The following CD5 variants were observed in gnomAD, a reference collection of about 807,000 sequenced individuals.
CD5 encodes the protein T-cell surface glycoprotein CD5.
Under a neutral mutation model 60.3 loss-of-function variants are expected in CD5, and 36 were observed. That is an observed-to-expected ratio of 0.60 (90% CI 0.46 to 0.79). The LOEUF (loss-of-function observed/expected upper bound fraction) is 0.79, where lower values mean the gene tolerates loss of function less well. Among genes scored for constraint, CD5 ranks in the 30% least tolerant of loss-of-function variants. The pLI is 0.00. For missense variants in CD5, 540 were observed against 630.6 expected, an observed-to-expected ratio of 0.86 and a Z score of 1.54; for synonymous variants, 230 against 257.6, an observed-to-expected ratio of 0.89 and a Z score of 1.03.
At chr11:61,124,933 A>C in intron 8 of CD5, 99 bp from the exon 9 acceptor site, 2 of 1,464,062 alleles carry the variant, frequency 1.4e-6, no homozygotes, top group Non-Finnish European at 1.9e-6. Flanking sequence ...CTCCCCGCTA[A>C]CATCATGGGA....
intron 1 of CD5, among the ~76,000 whole-genome samples, chr11:61,109,605 G>C (rs1161929948): frequency 6.6e-6 from 1 of 152,114 alleles, no homozygotes; most frequent in East Asian, 1.9e-4. Flanking sequence ...GAGCCAAAGT[G>C]AGAATTATCC....
chr11:61,121,057 T>C (rs1013549315), intron 5 of CD5, among the ~76,000 whole-genome samples: 12 of 152,202 alleles, frequency 7.9e-5, no homozygotes, highest in Non-Finnish European at 1.5e-5. Context: ...TGTGCCTCTG[T>C]TGAGCCAGGC....
In CD5 at chr11:61,121,919, GC is replaced by G. The variant is rs760950640; in HGVS notation, c.1099+18del. 4 of 1,515,142 alleles carry G rather than the reference GC, an allele frequency of 2.6e-6. No individual in the cohort carries two copies. The South Asian group carries it at 5.2e-5, about 20-fold the overall frequency. The allele number at this position is 1,515,142 out of a possible 1,614,324, so 93.9% of individuals were successfully genotyped here. A position where few individuals can be genotyped will look rare whatever the true frequency, so the allele number is the denominator to read the frequency against. ...GTTTGTCACATGTGAGTTGGCCACA[GC>G]CCACAGTGGGTGGAAGCAGTTACTA... On this transcript the variant is annotated intron_variant, in intron 6 of 10. Coordinates refer to ENST00000347785, the MANE Select transcript of CD5 (RefSeq NM_014207.4).
chr11:61,109,653 G>A (rs570536019), intron 1 of CD5, among the ~76,000 whole-genome samples: 4 of 152,270 alleles, frequency 2.6e-5, no homozygotes, highest in African/African-American at 9.6e-5. Context: ...GAGGGACAGG[G>A]AGGAGGATAT....
At chr11:61,119,882 G>A (rs1237076741) in intron 5 of CD5, among the ~76,000 whole-genome samples, 1 of 152,122 alleles carries the variant, frequency 6.6e-6, no homozygotes. Flanking sequence ...CTCTTCGTGG[G>A]TCTGGGGGAG....
upstream of CD5, among the ~76,000 whole-genome samples, chr11:61,099,409 T>TCACACACACACATCAACATGGAGAATA (rs111843769): frequency 7.8e-6 from 1 of 128,160 alleles, no homozygotes; most frequent in Non-Finnish European, 1.6e-5. Context: ...AACATGGAAA[T>TCACACACACACATCAACATGGAGAATA]CACACACATC....
In CD5 at chr11:61,121,821, G is replaced by A; in HGVS notation, c.1016G>A (p.Gly339Glu). 6.2e-7 allele frequency: 1 copy of A among 1,608,150 alleles called. No homozygotes were observed. Among genetic ancestry groups the A allele is most frequent in the Non-Finnish European group, 8.5e-7 (1 of 1,175,742 alleles). ...VLDAGDPTSR[G>E]LFCPHQKLSQ... Reference sequence around the variant, plus strand: ...GACGCTGGTGACCCAACATCCCGGGGGCTCTTCTGTCCCCATCAGAAGCTG... The same window carrying A: ...GACGCTGGTGACCCAACATCCCGGGAGCTCTTCTGTCCCCATCAGAAGCTG... Residue 339 changes from glycine (G) to glutamate (E), a missense_variant, in exon 6 of 11, where the codon GGG becomes GAG. Coordinates refer to ENST00000347785, the MANE Select transcript of CD5 (RefSeq NM_014207.4).
In CD5 at chr11:61,118,355, T is replaced by C. The variant is rs1472296723; in HGVS notation, c.275T>C (p.Leu92Pro). ...CTGAACTGTGGGGTGCCCTTAAGCC[T>C]TGGCCCCTTCCTTGTCACCTACACA... ...QRLNCGVPLS[L>P]GPFLVTYTPQ... Residue 92 changes from leucine (L) to proline (P), a missense_variant, in exon 3 of 11, where the codon CTT (leucine) becomes CCT (proline). Transcript: ENST00000347785. The surrounding 1 kb of genome is among the most constrained non-coding windows in gnomAD (Gnocchi z 4.7). 2 of 1,614,230 alleles carry C rather than the reference T, an allele frequency of 1.2e-6. No individual in the cohort carries two copies. The highest frequency in any genetic ancestry group is 1.7e-5 in the Admixed American group (1 of 60,028).
intron 5 of CD5, among the ~76,000 whole-genome samples, chr11:61,120,396 G>GC (rs1383327299): frequency 6.6e-6 from 1 of 152,084 alleles, no homozygotes; most frequent in African/African-American, 2.4e-5. Context: ...TTTTCACATG[G>GC]CCTTAGGAGG....
At chr11:61,103,269 C>T (rs1029736519) in intron 1 of CD5, among the ~76,000 whole-genome samples, 1 of 152,188 alleles carries the variant, frequency 6.6e-6, no homozygotes, top group Non-Finnish European at 1.5e-5. Flanking sequence ...TGTGTGACCT[C>T]GGATAGGTCC....
chr11:61,112,834 A>G (rs1014340479), intron 1 of CD5, among the ~76,000 whole-genome samples: 1 of 152,216 alleles, frequency 6.6e-6, no homozygotes, highest in Non-Finnish European at 1.5e-5. Context: ...TGATGACTTC[A>G]TTACAAAGAG....
intron 2 of CD5, among the ~76,000 whole-genome samples, chr11:61,117,490 T>A (rs141718649): frequency 1.9e-4 from 29 of 152,180 alleles, no homozygotes; most frequent in African/African-American, 6.5e-4. Flanking sequence ...ATTACCTCAA[T>A]AAAATTTTTT....
chr11:61,119,697 T>A, intron 5 of CD5, 122 bp downstream of exon 5: 1 of 706,382 alleles, frequency 1.4e-6, no homozygotes, highest in African/African-American at 1.8e-5. Context: ...ACAAGGGAAG[T>A]GGAGGCCTGG....
chr11:61,125,625 T>C lies in CD5; in HGVS notation c.1400-126T>C, dbSNP rs1314763758. 1.2e-5 allele frequency: 7 copies of C among 597,304 alleles called. No individual in the cohort carries two copies. In the Admixed American group the frequency reaches 1.5e-4, roughly 13 times the overall value. 37.0% of individuals were successfully genotyped at this position (597,304 alleles called of 1,614,324 possible). ...GTTTGGCTGATTTGATCAAAACAGA[T>C]AAGGGGTTGTCACCGGCTCATAAAG... On this transcript the variant is annotated intron_variant, in intron 9 of 10. Coordinates refer to ENST00000347785, the MANE Select transcript of CD5 (RefSeq NM_014207.4).
chr11:61,094,762 T>C, the CD5 span, among the ~76,000 whole-genome samples: 1 of 152,080 alleles, frequency 6.6e-6, no homozygotes, highest in Non-Finnish European at 1.5e-5. Context: ...TTGAAAAATT[T>C]CAAAAAGGGA....
chr11:61,122,428 T>G (rs1590775378), intron 6 of CD5, among the ~76,000 whole-genome samples: 1 of 146,130 alleles, frequency 6.8e-6, no homozygotes, highest in African/African-American at 2.6e-5. Flanking sequence ...GATCAGTGGG[T>G]GGGTGGATGG....
chr11:61,104,936 G>A (rs1283185216), intron 1 of CD5, among the ~76,000 whole-genome samples: 1 of 152,252 alleles, frequency 6.6e-6, no homozygotes, highest in South Asian at 2.1e-4. Flanking sequence ...TCCGTGTGCA[G>A]GAAAATGGCC....
Position 61,118,973 on chromosome 11 carries a change from C to A in CD5, c.459C>A (p.Pro153=), listed in dbSNP as rs1039730964. Residue 153 remains proline, a synonymous_variant, in exon 4 of 11, where the codon CCC becomes CCA. Transcript: ENST00000347785. The surrounding 1 kb of genome is among the most constrained non-coding windows in gnomAD (Gnocchi z 4.7). The part of the protein sequence containing the change: ...TRPPPTTTPE[P]TAPPRLQLVA... ...CCCCGCCCACCACAACTCCAGAGCC[C>A]ACAGGTAAGAGGATTCTGAACCCCC... 6.2e-7 allele frequency: 1 copy of A among 1,613,226 alleles called. No individual in the cohort carries two copies. Among genetic ancestry groups the A allele is most frequent in the Non-Finnish European group, 8.5e-7 (1 of 1,179,510 alleles).
chr11:61,122,233 A>ATGGTAACTAAAC (rs1861071318), intron 6 of CD5, among the ~76,000 whole-genome samples: 1 of 151,052 alleles, frequency 6.6e-6, no homozygotes, highest in African/African-American at 2.4e-5. Context: ...TGCTACATGA[A>ATGGTAACTAAAC]TGGTAACTAA....
Sources: gnomAD v4.1 joint callset for allele counts (sites outside exome capture counted in the v4.1 genomes callset) on GRCh38, gnomAD v4.1.1 for gene constraint, Gnocchi (gnomAD v3.1) non-coding constraint, MANE v1.5 for transcripts, NCBI Gene and HGNC (gene_info 2026-07-23, HGNC 2026-07-21) for gene names.